The following PCMTD2 variants were observed in gnomAD, a reference collection of about 807,000 sequenced individuals.
PCMTD2 encodes protein-L-isoaspartate O-methyltransferase domain-containing protein 2.
A neutral mutation model predicts 33.4 loss-of-function variants in PCMTD2; 16 were observed. The ratio of observed to expected loss-of-function variants is 0.48; its 90% CI spans 0.32 to 0.73. The LOEUF (loss-of-function observed/expected upper bound fraction) is 0.73. Among genes scored for constraint, PCMTD2 ranks in the 30% least tolerant of loss-of-function variants. The probability of loss-of-function intolerance (pLI) is 0.03; values close to 1 mark genes in which losing one functional copy is unlikely to be tolerated. For synonymous variants in PCMTD2, 161 were observed against 160.8 expected, an observed-to-expected ratio of 1.00 and a Z score of -0.01; for missense variants, 374 against 449.9, an observed-to-expected ratio of 0.83 and a Z score of 1.53.
chr20:64,266,546 C>T (rs1343579837), intron 4 of PCMTD2, among the ~76,000 whole-genome samples: 2 of 152,116 alleles, frequency 1.3e-5, no homozygotes, highest in East Asian at 1.9e-4. Context: ...TGTGAGCCAC[C>T]GTGCCCGGCC....
At chr20:64,259,880 C>T (rs1490508109) in intron 1 of PCMTD2, 62 bp from the exon 2 acceptor site, 1 of 802,448 alleles carries the variant, frequency 1.2e-6, no homozygotes, top group Non-Finnish European at 2.0e-6. Context: ...CTGTTTAGAA[C>T]TTCTATTGTT....
rs568637511 is a variant in PCMTD2, at chr20:64,268,887, A to G, written c.706+877A>G. 2.6e-5 allele frequency among the ~76,000 whole-genome samples: 4 copies of G among 152,364 alleles called. No homozygotes were observed. In the East Asian group the frequency reaches 7.7e-4, roughly 29 times the overall value. On this transcript the variant is annotated intron_variant, in intron 5 of 5. Coordinates refer to ENST00000308824, the MANE Select transcript of PCMTD2 (RefSeq NM_018257.3). ...TAGACACGGTTCTTGAAATTTGATA[A>G]TGAGCAACAATAGGACATGCAAAAC...
chr20:64,260,360 G>T (rs190728950), intron 2 of PCMTD2, 88 bp downstream of exon 2: 76 of 915,318 alleles, frequency 8.3e-5, no homozygotes, highest in Middle Eastern at 3.2e-4. Flanking sequence ...CTAATGGCCT[G>T]CCTGGGTCGA....
chr20:64,264,180 A>C (rs1985554761), intron 2 of PCMTD2, among the ~76,000 whole-genome samples: 1 of 152,226 alleles, frequency 6.6e-6, no homozygotes, highest in South Asian at 2.1e-4. Context: ...TCTTTAGTTC[A>C]TTAGTAAGAC....
At chr20:64,264,814 G>A (rs1216512840) in intron 3 of PCMTD2, among the ~76,000 whole-genome samples, 1 of 152,150 alleles carries the variant, frequency 6.6e-6, no homozygotes, top group African/African-American at 2.4e-5. Context: ...TGTTGCATTT[G>A]TCTCTAAACA....
In PCMTD2 at chr20:64,264,525, T is replaced by G; in HGVS notation, c.404T>G (p.Phe135Cys). 1 of 1,513,440 alleles carries G rather than the reference T, an allele frequency of 6.6e-7. No individual in the cohort carries two copies. 93.8% of individuals were successfully genotyped at this position (1,513,440 alleles called of 1,614,324 possible). ...LDFFIRTSDSFDKFDFCEPSF... is the reference protein window; with the variant it reads ...LDFFIRTSDSCDKFDFCEPSF... ...TTCTTCATCAGAACAAGTGATAGTT[T>G]TGACAAGTAAGATGAAATACTATCC... Residue 135 changes from phenylalanine (F) to cysteine (C), a missense_variant, in exon 3 of 6, where the codon TTT becomes TGT. Phe to Cys is a radical substitution (Grantham distance 205, BLOSUM62 -2). Transcript: ENST00000308824.
chr20:64,258,516 T>C (rs1482296679), intron 1 of PCMTD2, among the ~76,000 whole-genome samples: 1 of 152,240 alleles, frequency 6.6e-6, no homozygotes, highest in Non-Finnish European at 1.5e-5. Flanking sequence ...TGTTAAGCTA[T>C]ACCCTTCACA....
chr20:64,267,734 T>C (rs771428243), intron 4 of PCMTD2, among the ~76,000 whole-genome samples, 153 bp from the exon 5 acceptor site: 14 of 152,236 alleles, frequency 9.2e-5, no homozygotes, highest in Admixed American at 5.2e-4. Flanking sequence ...GTAGATGTAC[T>C]TCATGGCACA....
At chr20:64,268,704 G>A (rs1417308784) in intron 5 of PCMTD2, among the ~76,000 whole-genome samples, 1 of 147,992 alleles carries the variant, frequency 6.8e-6, no homozygotes. Context: ...AATAGGAAGG[G>A]AAAAGTTTTG....
At chr20:64,266,865 T>A (rs1295834316) in intron 4 of PCMTD2, among the ~76,000 whole-genome samples, 1 of 152,214 alleles carries the variant, frequency 6.6e-6, no homozygotes, top group East Asian at 1.9e-4. Context: ...TTATTTAAGG[T>A]TTTATACATC....
In PCMTD2 at chr20:64,261,567, A is replaced by G. The variant is rs116070369; in HGVS notation, c.307+1295A>G. The stretch of plus-strand genomic sequence containing the variant: ...CCTAGGTGACAGTGAGACTCCGTCT[A>G]TAATTGATTTTTGTGGATATGGAAT... On this transcript the variant is annotated intron_variant, in intron 2 of 5. Transcript: ENST00000308824. Among the ~76,000 whole-genome samples the G allele has an allele frequency of 9.1e-3, 1,367 of 150,142 alleles. 22 individuals are homozygous for G. The highest frequency in any genetic ancestry group is 0.033 in the African/African-American group (1,292 of 39,724).
chr20:64,265,015 T>C (rs983232345), intron 3 of PCMTD2, among the ~76,000 whole-genome samples: 1 of 152,246 alleles, frequency 6.6e-6, no homozygotes, highest in African/African-American at 2.4e-5. Flanking sequence ...GTGTGAAATT[T>C]GGATAAAACT....
chr20:64,273,183 C>T (rs1254023232), intron 5 of PCMTD2, 38 bp from the exon 6 acceptor site: 10 of 1,572,658 alleles, frequency 6.4e-6, no homozygotes, highest in Admixed American at 1.8e-5. Context: ...GGTGTCACTC[C>T]GATGCATTTG....
At chr20:64,256,103 G>T (rs1985152199) in intron 1 of PCMTD2, among the ~76,000 whole-genome samples, 1 of 152,106 alleles carries the variant, frequency 6.6e-6, no homozygotes, top group South Asian at 2.1e-4. Flanking sequence ...GGTCTCTCCC[G>T]GTGCCCGTTG....
intron 5 of PCMTD2, among the ~76,000 whole-genome samples, chr20:64,272,684 G>A (rs1228292102): frequency 2.6e-5 from 4 of 152,202 alleles, no homozygotes; most frequent in Non-Finnish European, 5.9e-5. Context: ...GCTGGGCGTG[G>A]TGGCGCATGC....
intron 1 of PCMTD2, among the ~76,000 whole-genome samples, chr20:64,256,108 C>G (rs1044750526): frequency 6.6e-6 from 1 of 152,176 alleles, no homozygotes; most frequent in Non-Finnish European, 1.5e-5. Context: ...CTCCCGGTGC[C>G]CGTTGCTCAC....
rs116352656 is a variant in PCMTD2, at chr20:64,257,733, G to T, written c.-25+1863G>T. On this transcript the variant is annotated intron_variant, in intron 1 of 5. Coordinates refer to ENST00000308824, the MANE Select transcript of PCMTD2 (RefSeq NM_018257.3). ...ATCGTCAAAAGGTTACCGGTGTGTT[G>T]TGTGGTAAAGAACGTTGCTGTCTTG... is the stretch of plus-strand genomic sequence containing the variant. Among the ~76,000 whole-genome samples, 1,364 of 152,342 alleles carry T rather than the reference G, an allele frequency of 9.0e-3. 21 individuals are homozygous for T. The highest frequency in any genetic ancestry group is 0.031 in the African/African-American group (1,290 of 41,568).
At chr20:64,265,819 T>C (rs13042200) in intron 4 of PCMTD2, among the ~76,000 whole-genome samples, 22 of 152,216 alleles carry the variant, frequency 1.4e-4, no homozygotes, top group Non-Finnish European at 2.9e-4. Context: ...AGTCATTCTA[T>C]TCTCATCATT....
At chr20:64,269,801 TGTG>T (rs1568736684) in intron 5 of PCMTD2, among the ~76,000 whole-genome samples, 2 of 147,612 alleles carry the variant, frequency 1.4e-5, no homozygotes, top group African/African-American at 5.1e-5. Context: ...GTGTGCGCGG[TGTG>T]GGGTCATGTG....
Sources: gnomAD v4.1 joint callset for allele counts (sites outside exome capture counted in the v4.1 genomes callset) on GRCh38, gnomAD v4.1.1 for gene constraint, MANE v1.5 for transcripts, NCBI Gene and HGNC (gene_info 2026-07-23, HGNC 2026-07-21) for gene names.